CDKAL1: variants seen among roughly 807,000 people sequenced by gnomAD.
CDKAL1 encodes threonylcarbamoyladenosine tRNA methylthiotransferase.
A neutral mutation model predicts 68.2 loss-of-function variants in CDKAL1; 32 were observed. The ratio of observed to expected loss-of-function variants is 0.47; its 90% confidence interval spans 0.35 to 0.63. CDKAL1 has a LOEUF of 0.63. Ranked by LOEUF, CDKAL1 falls within the 30% of genes least tolerant of loss-of-function variation. The pLI is 0.00. For missense variants in CDKAL1, 606 were observed against 696.7 expected, an observed-to-expected ratio of 0.87 and a Z score of 1.47; for synonymous variants, 234 against 244.3, an observed-to-expected ratio of 0.96 and a Z score of 0.39.
chr6:20,829,091 A>T (rs1281469942), intron 8 of CDKAL1, among the ~76,000 whole-genome samples: 4 of 152,146 alleles, frequency 2.6e-5, no homozygotes, highest in African/African-American at 9.7e-5. Flanking sequence ...GTTGATTGAC[A>T]TTTGGTTTGC....
chr6:20,547,795 A>G (rs2127654513), intron 3 of CDKAL1, among the ~76,000 whole-genome samples: 1 of 152,204 alleles, frequency 6.6e-6, no homozygotes, highest in East Asian at 1.9e-4. Context: ...TAGAACTCTG[A>G]TTTTATAGAG....
intron 9 of CDKAL1, among the ~76,000 whole-genome samples, chr6:20,846,837 T>C (rs1030835911): frequency 6.6e-6 from 1 of 152,228 alleles, no homozygotes. Flanking sequence ...ATATAACTGC[T>C]CAAACCATAA....
chr6:21,090,447 GT>G (rs1229455523), intron 12 of CDKAL1, among the ~76,000 whole-genome samples: 2 of 152,130 alleles, frequency 1.3e-5, no homozygotes, highest in African/African-American at 2.4e-5. Flanking sequence ...TTTGAACACA[GT>G]TTTCATAAAA....
chr6:20,776,562 A>C (rs1048217206), intron 7 of CDKAL1, among the ~76,000 whole-genome samples: 2 of 152,226 alleles, frequency 1.3e-5, no homozygotes, highest in Non-Finnish European at 2.9e-5. Flanking sequence ...CATGTATATA[A>C]CTACTTAGAA....
chr6:20,755,891 A>C (rs1774147704), intron 6 of CDKAL1, among the ~76,000 whole-genome samples: 1 of 152,142 alleles, frequency 6.6e-6, no homozygotes. Flanking sequence ...GAAAACATTC[A>C]TTCTGTTATT....
intron 9 of CDKAL1, among the ~76,000 whole-genome samples, chr6:20,908,498 A>G (rs546641440): frequency 3.3e-5 from 5 of 152,340 alleles, no homozygotes; most frequent in African/African-American, 9.6e-5. Context: ...TGGGCTAGAC[A>G]TCACTTGATC....
At chr6:20,535,898 G>A (rs1263161790) in intron 2 of CDKAL1, among the ~76,000 whole-genome samples, 1 of 152,146 alleles carries the variant, frequency 6.6e-6, no homozygotes, top group Non-Finnish European at 1.5e-5. Flanking sequence ...GATGGCTCAT[G>A]ATGTTGACAT....
At chr6:21,152,012 G>T (rs1024781287) in intron 13 of CDKAL1, among the ~76,000 whole-genome samples, 6 of 152,138 alleles carry the variant, frequency 3.9e-5, no homozygotes, top group African/African-American at 9.7e-5. Flanking sequence ...AGTAGTCTTT[G>T]CTGACAGTGA....
chr6:21,041,433 A>G (rs1769918201), intron 11 of CDKAL1, among the ~76,000 whole-genome samples: 1 of 152,226 alleles, frequency 6.6e-6, no homozygotes, highest in South Asian at 2.1e-4. Flanking sequence ...CACCATCAGC[A>G]GATGTAAATT....
chr6:20,616,168 G>C (rs1766889213), intron 4 of CDKAL1, among the ~76,000 whole-genome samples: 1 of 151,912 alleles, frequency 6.6e-6, no homozygotes, highest in Admixed American at 6.6e-5. Flanking sequence ...GTACCATGCT[G>C]TTTTGGTTAC....
At chr6:20,898,416 A>T (rs1031136742) in intron 9 of CDKAL1, among the ~76,000 whole-genome samples, 3 of 149,096 alleles carry the variant, frequency 2.0e-5, no homozygotes, top group African/African-American at 7.4e-5. Flanking sequence ...ATGTGTAGGC[A>T]TGCTAGATCA....
chr6:20,550,622 C>T (rs960773109), intron 4 of CDKAL1, among the ~76,000 whole-genome samples: 1 of 151,934 alleles, frequency 6.6e-6, no homozygotes, highest in Non-Finnish European at 1.5e-5. Flanking sequence ...CGTGAGGTGT[C>T]GCTGTTGTGA....
At chr6:20,805,735 C>T (rs972142879) in intron 8 of CDKAL1, among the ~76,000 whole-genome samples, 3 of 152,038 alleles carry the variant, frequency 2.0e-5, no homozygotes, top group Admixed American at 6.6e-5. Context: ...TATAAAAAAA[C>T]GAAAATGAGA....
intron 8 of CDKAL1, among the ~76,000 whole-genome samples, chr6:20,791,055 G>T (rs12111182): frequency 0.4 from 60,458 of 151,992 alleles, 12,300 homozygotes; most frequent in East Asian, 0.53. Context: ...TTGACTTGTA[G>T]CTTGGCTTTC....
chr6:20,738,837 G>A (rs1309936413), intron 5 of CDKAL1, among the ~76,000 whole-genome samples: 2 of 152,230 alleles, frequency 1.3e-5, no homozygotes, highest in Non-Finnish European at 2.9e-5. Context: ...ACACAACAGA[G>A]TGGGGATTTC....
intron 10 of CDKAL1, among the ~76,000 whole-genome samples, chr6:20,998,736 A>G (rs1321881349): frequency 6.6e-6 from 1 of 152,186 alleles, no homozygotes; most frequent in Non-Finnish European, 1.5e-5. Context: ...TCCAATTCCA[A>G]TTTAGTAGTC....
At chr6:20,976,934 C>T (rs1765873075) in intron 10 of CDKAL1, among the ~76,000 whole-genome samples, 1 of 152,204 alleles carries the variant, frequency 6.6e-6, no homozygotes, top group Non-Finnish European at 1.5e-5. Context: ...CAGATTTCAA[C>T]TATTGTGAGT....
At chr6:21,126,697 G>C (rs770212763) in intron 13 of CDKAL1, among the ~76,000 whole-genome samples, 1 of 152,004 alleles carries the variant, frequency 6.6e-6, no homozygotes, top group African/African-American at 2.4e-5. Context: ...CCTATGTTAT[G>C]CTTAATCTGA....
At chr6:21,048,667 C>G (rs1770378193) in intron 11 of CDKAL1, among the ~76,000 whole-genome samples, 1 of 151,928 alleles carries the variant, frequency 6.6e-6, no homozygotes, top group African/African-American at 2.4e-5. Context: ...TGCCTAATTT[C>G]TTAATAATGG....
Sources: gnomAD v4.1 joint callset for allele counts (sites outside exome capture counted in the v4.1 genomes callset) on GRCh38, gnomAD v4.1.1 for gene constraint, MANE v1.5 for transcripts, NCBI Gene and HGNC (gene_info 2026-07-23, HGNC 2026-07-21) for gene names.